PPP3CA: variants seen among roughly 807,000 people sequenced by gnomAD.
PPP3CA encodes CAM-PRP catalytic subunit.
A neutral mutation model predicts 66.5 loss-of-function variants in PPP3CA; 14 were observed. The ratio of observed to expected loss-of-function variants is 0.21; its 90% CI spans 0.14 to 0.33. The LOEUF is 0.33. Ranked by LOEUF, PPP3CA falls within the 10% of genes least tolerant of loss-of-function variation. PPP3CA has a pLI of 1.00. For synonymous variants in PPP3CA, 232 were observed against 226.2 expected, an observed-to-expected ratio of 1.03 and a Z score of -0.23; for missense variants, 317 against 639.5, an observed-to-expected ratio of 0.50 and a Z score of 5.44.
At chr4:101,277,998 A>T (rs79143708) in intron 1 of PPP3CA, among the ~76,000 whole-genome samples, 2 of 152,002 alleles carry the variant, frequency 1.3e-5, no homozygotes. Context: ...ATAAAACCAG[A>T]TATGTTTTTC....
intron 8 of PPP3CA, among the ~76,000 whole-genome samples, chr4:101,071,289 AGATAT>A: frequency 6.6e-6 from 1 of 152,332 alleles, no homozygotes; most frequent in South Asian, 2.1e-4. Flanking sequence ...GTTATCTCCA[AGATAT>A]CCTTGGCACT....
intron 11 of PPP3CA, among the ~76,000 whole-genome samples, chr4:101,033,221 T>C (rs1007064056): frequency 1.3e-5 from 2 of 151,998 alleles, no homozygotes; most frequent in African/African-American, 4.8e-5. Flanking sequence ...AAATTGTATA[T>C]ATACACATAT....
chr4:101,055,373 G>C (rs1454867729), intron 10 of PPP3CA, among the ~76,000 whole-genome samples: 1 of 152,044 alleles, frequency 6.6e-6, no homozygotes, highest in Non-Finnish European at 1.5e-5. Context: ...AAGTGTTCCA[G>C]TGAATAACAA....
chr4:101,157,181 C>T (rs1475302831), intron 2 of PPP3CA, among the ~76,000 whole-genome samples: 1 of 152,152 alleles, frequency 6.6e-6, no homozygotes, highest in East Asian at 1.9e-4. Context: ...GGCCAGGGTC[C>T]TATTCTCACT....
chr4:101,171,812 T>G (rs1427951580), intron 2 of PPP3CA, among the ~76,000 whole-genome samples: 1 of 152,160 alleles, frequency 6.6e-6, no homozygotes, highest in Admixed American at 6.5e-5. Context: ...CACAAATATA[T>G]GCAATTGTGT....
chr4:101,194,756 G>A (rs1373284837), intron 2 of PPP3CA, among the ~76,000 whole-genome samples: 1 of 151,832 alleles, frequency 6.6e-6, no homozygotes, highest in African/African-American at 2.4e-5. Flanking sequence ...TAGTAGAGAT[G>A]GAATTTTACT....
At chr4:101,262,011 A>C (rs1357242962) in intron 1 of PPP3CA, among the ~76,000 whole-genome samples, 2 of 152,158 alleles carry the variant, frequency 1.3e-5, no homozygotes, top group African/African-American at 2.4e-5. Flanking sequence ...CTATACAATA[A>C]CAAAAAAAAT....
chr4:101,323,527 T>C (rs970865808), intron 1 of PPP3CA, among the ~76,000 whole-genome samples: 2 of 152,186 alleles, frequency 1.3e-5, no homozygotes, highest in Non-Finnish European at 2.9e-5. Context: ...TCTGAATGCC[T>C]TCTATCCCTG....
intron 2 of PPP3CA, among the ~76,000 whole-genome samples, chr4:101,143,696 A>T (rs1722880149): frequency 6.6e-6 from 1 of 152,124 alleles, no homozygotes; most frequent in Non-Finnish European, 1.5e-5. Flanking sequence ...AATTGCAGGC[A>T]TTATCCCTGG....
chr4:101,280,677 G>A (rs532605935), intron 1 of PPP3CA, among the ~76,000 whole-genome samples: 10 of 151,890 alleles, frequency 6.6e-5, no homozygotes, highest in South Asian at 6.3e-4. Context: ...AAAATTAGCC[G>A]GGCATGGTGG....
intron 2 of PPP3CA, among the ~76,000 whole-genome samples, chr4:101,174,083 A>G (rs1723973688): frequency 6.6e-6 from 1 of 150,796 alleles, no homozygotes; most frequent in Admixed American, 6.6e-5. Context: ...AAACACAAAA[A>G]CTACGCCCCC....
intron 2 of PPP3CA, among the ~76,000 whole-genome samples, chr4:101,130,218 A>G (rs1722386108): frequency 6.6e-6 from 1 of 152,118 alleles, no homozygotes; most frequent in Non-Finnish European, 1.5e-5. Context: ...ATAAAAAGGA[A>G]CAAACAAAGC....
At chr4:101,095,617 A>C (rs1730161200) in intron 5 of PPP3CA, among the ~76,000 whole-genome samples, 1 of 152,210 alleles carries the variant, frequency 6.6e-6, no homozygotes, top group Admixed American at 6.5e-5. Context: ...AAAATCCATC[A>C]GATTACAGAA....
chr4:101,338,206 C>T (rs1729696907), intron 1 of PPP3CA, among the ~76,000 whole-genome samples: 1 of 152,188 alleles, frequency 6.6e-6, no homozygotes, highest in African/African-American at 2.4e-5. Flanking sequence ...TCAAGCACTC[C>T]CTATGGGAAG....
At chr4:101,090,769 A>C (rs986297609) in intron 6 of PPP3CA, among the ~76,000 whole-genome samples, 2 of 151,216 alleles carry the variant, frequency 1.3e-5, no homozygotes, top group Non-Finnish European at 2.9e-5. Context: ...TTTATTCTAA[A>C]TATATTCTAT....
chr4:101,225,263 A>G (rs1270480166), intron 1 of PPP3CA, among the ~76,000 whole-genome samples: 1 of 81,658 alleles, frequency 1.2e-5, no homozygotes, highest in Admixed American at 9.7e-5. Flanking sequence ...GAGCATGAAG[A>G]TATTTTTATT....
chr4:101,051,707 C>T (rs1728017303), intron 10 of PPP3CA, among the ~76,000 whole-genome samples: 2 of 152,030 alleles, frequency 1.3e-5, no homozygotes, highest in Admixed American at 1.3e-4. Flanking sequence ...GTTTATAGGG[C>T]CACATGTTTA....
intron 10 of PPP3CA, among the ~76,000 whole-genome samples, chr4:101,047,718 G>A (rs1311331851): frequency 3.3e-5 from 5 of 151,954 alleles, no homozygotes; most frequent in Non-Finnish European, 5.9e-5. Flanking sequence ...AGTCTCCCCA[G>A]TGAGGTTACA....
At chr4:101,291,443 AGT>A (rs1246003937) in intron 1 of PPP3CA, among the ~76,000 whole-genome samples, 5 of 151,340 alleles carry the variant, frequency 3.3e-5, no homozygotes, top group Admixed American at 3.3e-4. Flanking sequence ...CCAGCTCTGG[AGT>A]ACTTCCTCTG....
Sources: allele counts gnomAD v4.1 joint callset (sites outside exome capture counted in the v4.1 genomes callset), GRCh38; gene constraint gnomAD v4.1.1; transcripts MANE v1.5; gene names NCBI Gene and HGNC (gene_info 2026-07-23, HGNC 2026-07-21).